The following TAF1B variants were observed in gnomAD, a reference collection of about 807,000 sequenced individuals.
TAF1B encodes TATA box-binding protein-associated factor RNA polymerase I subunit B.
TAF1B carries 61 observed loss-of-function variants against 83.9 expected under a neutral mutation model. The observed-to-expected ratio is 0.73, with a 90% CI of 0.59 to 0.90. TAF1B has a LOEUF of 0.90. TAF1B is among the 40% of genes least tolerant of loss of function. The pLI is 0.00. For synonymous variants in TAF1B, 221 were observed against 224.6 expected (o/e 0.98, Z 0.14); for missense variants, 625 against 677.0 (o/e 0.92, Z 0.85).
In TAF1B at chr2:9,911,393, T is replaced by C. The variant is rs1665528258; in HGVS notation, c.1134-118T>C. ...CTCTGTTTCAGTGATTGCTTCTCCA[T>C]TAAAACATGGTATCAATTTCAAATA... On this transcript the variant is annotated intron_variant, in intron 10 of 14. Coordinates refer to ENST00000263663, the MANE Select transcript of TAF1B (RefSeq NM_005680.3). 6.7e-6 allele frequency: 5 copies of C among 750,032 alleles called. No individual in the cohort carries two copies. In the East Asian group the frequency reaches 1.6e-4, roughly 24 times the overall value. The allele number at this position is 750,032 out of a possible 1,614,324, so 46.5% of individuals were successfully genotyped here. A position where few individuals can be genotyped will look rare whatever the true frequency, so the allele number is the denominator to read the frequency against.
At chr2:9,876,888 A>G (rs1205164313) in intron 7 of TAF1B, among the ~76,000 whole-genome samples, 3 of 152,232 alleles carry the variant, frequency 2.0e-5, no homozygotes, top group Admixed American at 1.3e-4. Flanking sequence ...CTGGCACATA[A>G]TAAGACCTCA....
intron 8 of TAF1B, among the ~76,000 whole-genome samples, chr2:9,900,971 G>A (rs1028546662): frequency 6.6e-6 from 1 of 152,154 alleles, no homozygotes. Flanking sequence ...GATCCTAACA[G>A]AGGGTTTCTC....
intron 14 of TAF1B, among the ~76,000 whole-genome samples, chr2:9,925,810 C>T (rs928904646): frequency 6.6e-6 from 1 of 152,060 alleles, no homozygotes; most frequent in Non-Finnish European, 1.5e-5. Flanking sequence ...CTCCTGACCT[C>T]GTGATCTGCC....
intron 14 of TAF1B, among the ~76,000 whole-genome samples, chr2:9,929,586 C>T (rs1167728280): frequency 6.6e-6 from 1 of 152,118 alleles, no homozygotes; most frequent in Non-Finnish European, 1.5e-5. Flanking sequence ...TTCAGTTTTC[C>T]AGTATTTTAT....
At chr2:9,898,022 A>C (rs1023691795) in intron 8 of TAF1B, among the ~76,000 whole-genome samples, 2 of 130,048 alleles carry the variant, frequency 1.5e-5, no homozygotes, top group Non-Finnish European at 3.1e-5. Context: ...GCCTCACTGG[A>C]ATGTGTATGT....
At position 9,854,406 on chromosome 2, in the gene TAF1B, T is replaced by C. The variant is rs199500882; in HGVS notation, c.384T>C (p.Thr128=). Residue 128 remains threonine, a synonymous_variant, in exon 5 of 15, where the codon ACT becomes ACC. Transcript: ENST00000263663. The part of the protein sequence containing the change: ...QAYCKNPVYT[T]GRKPTVLEDN... ...ATTGTAAGAACCCAGTTTATACCACTGGAAGGAAACCTACGGTAAGTCACA... is the reference window on the plus strand; with the variant it reads ...ATTGTAAGAACCCAGTTTATACCACCGGAAGGAAACCTACGGTAAGTCACA... 71 of 1,613,646 alleles carry C rather than the reference T, an allele frequency of 4.4e-5. No homozygotes were observed. In the African/African-American group the frequency reaches 9.3e-4, roughly 21 times the overall value.
chr2:9,915,902 G>C (rs950941969), intron 12 of TAF1B, among the ~76,000 whole-genome samples: 11 of 123,406 alleles, frequency 8.9e-5, no homozygotes, highest in South Asian at 2.7e-4. Context: ...CCATTTAGCA[G>C]TACAGACTTC....
chr2:9,931,074 A>G (rs1666195935), intron 14 of TAF1B, among the ~76,000 whole-genome samples: 2 of 151,946 alleles, frequency 1.3e-5, no homozygotes. Flanking sequence ...TGCATGTGAG[A>G]TGGGTCTCCT....
chr2:9,911,483 A>G, intron 10 of TAF1B, 28 bp from the exon 11 acceptor site: 9 of 1,481,532 alleles, frequency 6.1e-6, no homozygotes, highest in Non-Finnish European at 8.2e-6. Context: ...ACTTCTAAAT[A>G]AATTGATTTG....
rs773848409 is a variant in TAF1B at position 9,924,935 on chromosome 2, A to T, written c.1565+5115A>T. 2.0e-5 allele frequency among the ~76,000 whole-genome samples: 3 copies of T among 152,254 alleles called. No individual in the cohort carries two copies. The East Asian group carries it at 5.8e-4, about 29-fold the overall frequency. On this transcript the variant is annotated intron_variant, in intron 14 of 14. Coordinates refer to ENST00000263663, the MANE Select transcript of TAF1B (RefSeq NM_005680.3). ...TTCAATGAATTGAAATGCCCTTACTATTCCTCCAATTGTTATAACAGTTGG... is the reference window on the plus strand; with the variant it reads ...TTCAATGAATTGAAATGCCCTTACTTTTCCTCCAATTGTTATAACAGTTGG...
At chr2:9,906,879 G>A (rs997920057) in intron 9 of TAF1B, among the ~76,000 whole-genome samples, 1 of 152,020 alleles carries the variant, frequency 6.6e-6, no homozygotes, top group African/African-American at 2.4e-5. Flanking sequence ...AGTGCAATAA[G>A]CTTTTGCGAT....
At chr2:9,923,589 G>A (rs977352940) in intron 14 of TAF1B, among the ~76,000 whole-genome samples, 14 of 151,880 alleles carry the variant, frequency 9.2e-5, no homozygotes, top group African/African-American at 1.2e-4. Context: ...TGAGGCAGGC[G>A]AATCACTTGA....
intron 2 of TAF1B, among the ~76,000 whole-genome samples, chr2:9,848,654 G>T: frequency 6.8e-6 from 1 of 146,232 alleles, no homozygotes; most frequent in Non-Finnish European, 1.5e-5. Flanking sequence ...CGACGAGAGC[G>T]AAACTCCCTC....
chr2:9,871,744 C>G (rs952265336), intron 6 of TAF1B, among the ~76,000 whole-genome samples: 1 of 152,116 alleles, frequency 6.6e-6, no homozygotes, highest in African/African-American at 2.4e-5. Flanking sequence ...TCCCCCCGAG[C>G]TGATCAGATT....
At position 9,920,668 on chromosome 2, in the gene TAF1B, T is replaced by C. The variant is rs149706313; in HGVS notation, c.1565+848T>C. Among the ~76,000 whole-genome samples the C allele has an allele frequency of 3.0e-3, 464 of 152,294 alleles. 3 individuals are homozygous for C. Among genetic ancestry groups the C allele is most frequent in the African/African-American group, 0.01 (436 of 41,550 alleles). ...TCGTTTTTCCACAGTGTAGTTACTATGTTTCCCCTTACAACTAATAAAAAA... is the reference window on the plus strand; with the variant it reads ...TCGTTTTTCCACAGTGTAGTTACTACGTTTCCCCTTACAACTAATAAAAAA... On this transcript the variant is annotated intron_variant, in intron 14 of 14. Coordinates refer to ENST00000263663, the MANE Select transcript of TAF1B (RefSeq NM_005680.3).
rs376850207 is a variant in TAF1B, at chr2:9,933,823, T to C, written c.1606T>C (p.Ser536Pro). 1.2e-6 allele frequency: 2 copies of C among 1,613,760 alleles called. No homozygotes were observed. Among genetic ancestry groups the C allele is most frequent in the Non-Finnish European group, 1.7e-6 (2 of 1,179,840 alleles). ...HVTTYEESNY[S>P]LSYQFILNLF... ...GACAACCTATGAAGAATCAAATTAT[T>C]CTCTGAGTTATCAGTTTATACTAAA... is the stretch of plus-strand genomic sequence containing the variant. The change falls in exon 15 of 15, where the codon TCT becomes CCT. Residue 536 changes from serine (S) to proline (P), a missense_variant. By Grantham distance (74) the Ser-to-Pro change is moderately conservative. Transcript: ENST00000263663.
intron 8 of TAF1B, among the ~76,000 whole-genome samples, chr2:9,903,252 AT>A (rs1213317684): frequency 6.6e-6 from 1 of 151,826 alleles, no homozygotes; most frequent in Non-Finnish European, 1.5e-5. Context: ...TGCCCGGTTA[AT>A]TTTTTGTATT....
rs77874524 is a variant in TAF1B at position 9,886,372 on chromosome 2, C to T, written c.807+3567C>T. Among the ~76,000 whole-genome samples, 1,069 of 152,224 alleles carry T rather than the reference C, an allele frequency of 7.0e-3. 17 individuals carry two copies. Among genetic ancestry groups the T allele is most frequent in the African/African-American group, 0.023 (940 of 41,522 alleles). ...TTTCTAGGTTTTCTCAAATTAGGTT[C>T]GAGGAAGTCCATGGATATGGGAAAG... On this transcript the variant is annotated intron_variant, in intron 8 of 14. Coordinates refer to ENST00000263663, the MANE Select transcript of TAF1B (RefSeq NM_005680.3).
intron 7 of TAF1B, among the ~76,000 whole-genome samples, chr2:9,881,712 G>C (rs956572912): frequency 6.6e-6 from 1 of 152,082 alleles, no homozygotes; most frequent in African/African-American, 2.4e-5. Context: ...TAGGTATATA[G>C]TATTCAATAC....
Sources: allele counts gnomAD v4.1 joint callset (sites outside exome capture counted in the v4.1 genomes callset), GRCh38; gene constraint gnomAD v4.1.1; transcripts MANE v1.5; gene names NCBI Gene and HGNC (gene_info 2026-07-23, HGNC 2026-07-21).